The following SNX25 variants were observed in gnomAD, a reference collection of about 807,000 sequenced individuals.
SNX25 encodes the protein sorting nexin 25, also known as sorting nexin-25.
Under a neutral mutation model 113.7 loss-of-function variants are expected in SNX25, and 62 were observed. The ratio of observed to expected loss-of-function variants is 0.55; its 90% CI spans 0.44 to 0.67. The LOEUF is 0.67. SNX25 is among the 30% of genes least tolerant of loss of function. The probability of loss-of-function intolerance (pLI) is 0.00; values close to 1 mark genes in which losing one functional copy is unlikely to be tolerated. For synonymous variants in SNX25, 421 were observed against 436.2 expected, an observed-to-expected ratio of 0.97 and a Z score of 0.43; for missense variants, 1,014 against 1,161.0, an observed-to-expected ratio of 0.87 and a Z score of 1.84.
In SNX25 at chr4:185,236,573, AAG is replaced by A. The variant is rs1742682122; in HGVS notation, c.430-10717_430-10716del. On this transcript the variant is annotated intron_variant, in intron 1 of 18. Transcript: ENST00000652585. ...GATGGAGACAAACTAAATATAGAAT[AAG>A]AGAATAAATTATGATATAAGCTATT... 2.6e-5 allele frequency among the ~76,000 whole-genome samples: 4 copies of A among 152,194 alleles called. 1 individual carries two copies. Among genetic ancestry groups the A allele is most frequent in the Admixed American group, 2.6e-4 (4 of 15,280 alleles).
chr4:185,318,728 G>A (rs1239599061), intron 7 of SNX25, among the ~76,000 whole-genome samples: 1 of 152,154 alleles, frequency 6.6e-6, no homozygotes, highest in Non-Finnish European at 1.5e-5. Context: ...AGCATAGAAT[G>A]TGCATCCCAT....
chr4:185,254,397 C>G (rs146942134), intron 2 of SNX25, among the ~76,000 whole-genome samples: 1 of 152,124 alleles, frequency 6.6e-6, no homozygotes, highest in Non-Finnish European at 1.5e-5. Context: ...TCTCTTTGTT[C>G]TAAGAGACCC....
chr4:185,255,995 A>G (rs1746356087), intron 2 of SNX25, among the ~76,000 whole-genome samples: 1 of 152,234 alleles, frequency 6.6e-6, no homozygotes, highest in Non-Finnish European at 1.5e-5. Context: ...CAAAATCTAG[A>G]AAACATAACA....
chr4:185,355,960 C>T (rs554645099), intron 15 of SNX25, among the ~76,000 whole-genome samples: 3 of 152,364 alleles, frequency 2.0e-5, no homozygotes, highest in East Asian at 1.9e-4. Flanking sequence ...ACCATGCCTG[C>T]GGCATGCACT....
intron 1 of SNX25, 149 bp from the exon 2 acceptor site, chr4:185,247,145 C>T (rs145063082): frequency 3.6e-6 from 2 of 555,218 alleles, no homozygotes; most frequent in Non-Finnish European, 6.3e-6. Flanking sequence ...TAACCTTAAG[C>T]ATTTATTTAC....
intron 10 of SNX25, among the ~76,000 whole-genome samples, chr4:185,333,790 C>T (rs2095212002): frequency 6.6e-6 from 1 of 151,978 alleles, no homozygotes; most frequent in South Asian, 2.1e-4. Context: ...ATGGCTCATG[C>T]CTGTAATCTT....
intron 11 of SNX25, among the ~76,000 whole-genome samples, chr4:185,369,590 T>C (rs530617426): frequency 3.9e-4 from 59 of 152,316 alleles, no homozygotes; most frequent in African/African-American, 1.4e-3. Context: ...CTGTTATTCA[T>C]GCTAAGAATG....
At chr4:185,255,340 G>A (rs1021648811) in intron 2 of SNX25, among the ~76,000 whole-genome samples, 24 of 152,058 alleles carry the variant, frequency 1.6e-4, no homozygotes, top group African/African-American at 4.6e-4. Flanking sequence ...CACCACGTTG[G>A]CCAGGCTGGT....
chr4:185,273,354 C>T (rs1344575585), intron 5 of SNX25, among the ~76,000 whole-genome samples: 5 of 152,184 alleles, frequency 3.3e-5, no homozygotes, highest in Non-Finnish European at 7.3e-5. Flanking sequence ...CTCACTGCAG[C>T]CTTGACCTTC....
chr4:185,287,880 T>C, intron 5 of SNX25, 132 bp from the exon 6 acceptor site: 1 of 741,816 alleles, frequency 1.3e-6, no homozygotes, highest in East Asian at 2.9e-5. Flanking sequence ...TGTCGGATTA[T>C]TTTATGGAGC....
chr4:185,354,491 A>C (rs2095330398), intron 15 of SNX25, among the ~76,000 whole-genome samples: 1 of 152,202 alleles, frequency 6.6e-6, no homozygotes, highest in Non-Finnish European at 1.5e-5. Context: ...GGATACTGCT[A>C]AACATTCTAC....
intron 12 of SNX25, among the ~76,000 whole-genome samples, chr4:185,344,604 C>T (rs933397737): frequency 6.6e-5 from 10 of 152,058 alleles, no homozygotes; most frequent in Non-Finnish European, 1.0e-4. Flanking sequence ...GAAACACATA[C>T]GCAGCCTGTC....
intron 1 of SNX25, among the ~76,000 whole-genome samples, chr4:185,242,200 A>G (rs1327025149): frequency 3.3e-5 from 5 of 152,174 alleles, no homozygotes; most frequent in Non-Finnish European, 7.3e-5. Context: ...CTTTCATACC[A>G]CAACAAACAT....
chr4:185,282,237 C>T lies in SNX25; in HGVS notation c.1092-5775C>T, dbSNP rs189314945. ...AGTGCAACGGCGGAATCTCAGCTCA[C>T]TGCAACCTCCACCTCCCGAGTTCAA... is the stretch of plus-strand genomic sequence containing the variant. On this transcript the variant is annotated intron_variant, in intron 5 of 18. Transcript: ENST00000652585. 3.8e-3 allele frequency among the ~76,000 whole-genome samples: 584 copies of T among 152,286 alleles called. 2 individuals are homozygous for T. The highest frequency in any genetic ancestry group is 0.013 in the African/African-American group (536 of 41,570).
At chr4:185,373,258 C>T (rs543281080), downstream of SNX25, among the ~76,000 whole-genome samples, 2 of 152,264 alleles carry the variant, frequency 1.3e-5, no homozygotes, top group South Asian at 2.1e-4. Context: ...AGTGTGGAGG[C>T]GAGTTCCTCC....
intron 13 of SNX25, among the ~76,000 whole-genome samples, chr4:185,347,866 T>G (rs1167663505): frequency 6.6e-6 from 1 of 152,232 alleles, no homozygotes; most frequent in East Asian, 1.9e-4. Context: ...CCTTGTCAGA[T>G]CTTACGTGCT....
rs2095204508 is a variant in SNX25, at chr4:185,332,700, C to G, written c.1855C>G (p.Leu619Val). 1 of 1,613,906 alleles carries G rather than the reference C, an allele frequency of 6.2e-7. No homozygotes were observed. The highest frequency in any genetic ancestry group is 8.5e-7 in the Non-Finnish European group (1 of 1,179,962). The change falls in exon 10 of 19, where the codon CTT becomes GTT. Residue 619 changes from leucine to valine, a missense_variant. Physicochemically the swap from Leu to Val is conservative, Grantham distance 32 (BLOSUM62 1). Coordinates refer to ENST00000652585, the MANE Select transcript of SNX25 (RefSeq NM_001378034.2). ...CAAACTGCGAGAACTAAATGAGAAACTTGAATATAAAAGGCAAGCTCTAAA... is the reference window on the plus strand; with the variant it reads ...CAAACTGCGAGAACTAAATGAGAAAGTTGAATATAAAAGGCAAGCTCTAAA... ...VNKLRELNEKLEYKRQALNSI... is the reference protein window; with the variant it reads ...VNKLRELNEKVEYKRQALNSI...
chr4:185,224,737 TA>T (rs1740710040), intron 1 of SNX25, among the ~76,000 whole-genome samples: 1 of 151,276 alleles, frequency 6.6e-6, no homozygotes, highest in South Asian at 2.1e-4. Context: ...TTGTGATTAA[TA>T]TTTTTTTTGA....
At chr4:185,354,060 A>AG (rs1371848826) in intron 15 of SNX25, among the ~76,000 whole-genome samples, 6 of 149,746 alleles carry the variant, frequency 4.0e-5, no homozygotes, top group African/African-American at 1.5e-4. Context: ...AAAAAAAAAG[A>AG]GCCAACCAGA....
Sources: gnomAD v4.1 joint callset for allele counts (sites outside exome capture counted in the v4.1 genomes callset) on GRCh38, gnomAD v4.1.1 for gene constraint, MANE v1.5 for transcripts, NCBI Gene and HGNC (gene_info 2026-07-23, HGNC 2026-07-21) for gene names.